The following RAB5A variants were observed in gnomAD, a reference collection of about 807,000 sequenced individuals.
The protein encoded by RAB5A is ras-related protein Rab-5A.
RAB5A carries 8 observed loss-of-function variants against 25.7 expected under a neutral mutation model. The ratio of observed to expected loss-of-function variants is 0.31; its 90% CI spans 0.18 to 0.56. The LOEUF (loss-of-function observed/expected upper bound fraction) is 0.56, where lower values mean the gene tolerates loss of function less well. Among genes scored for constraint, RAB5A ranks in the 20% least tolerant of loss-of-function variants. The pLI is 0.91. For missense variants in RAB5A, 192 were observed against 259.7 expected, an observed-to-expected ratio of 0.74 and a Z score of 1.79; for synonymous variants, 98 against 89.8, an observed-to-expected ratio of 1.09 and a Z score of -0.52.
At chr3:19,973,337 A>T (rs1390445361) in intron 2 of RAB5A, among the ~76,000 whole-genome samples, 2 of 151,716 alleles carry the variant, frequency 1.3e-5, no homozygotes, top group Admixed American at 1.3e-4. Context: ...CTTTGTGATC[A>T]TAGTATGTCT....
chr3:19,952,837 A>C (rs189456111), intron 2 of RAB5A, among the ~76,000 whole-genome samples: 15 of 152,178 alleles, frequency 9.9e-5, no homozygotes, highest in Admixed American at 9.2e-4. Flanking sequence ...TTAATAATGA[A>C]ATACTACTTC....
At chr3:19,983,588 A>T in intron 5 of RAB5A, 120 bp from the exon 6 acceptor site, 1 of 699,110 alleles carries the variant, frequency 1.4e-6, no homozygotes, top group South Asian at 1.7e-5. Context: ...AAGAATGAAC[A>T]TATGGTTATA....
At chr3:19,983,676 A>G (rs1291209997) in intron 5 of RAB5A, 32 bp from the exon 6 acceptor site, 3 of 1,424,870 alleles carry the variant, frequency 2.1e-6, no homozygotes, top group African/African-American at 2.9e-5. Context: ...TGAGTATTCA[A>G]ATATTCTATT....
At chr3:19,965,938 G>C (rs938229756) in intron 2 of RAB5A, among the ~76,000 whole-genome samples, 14 of 152,008 alleles carry the variant, frequency 9.2e-5, no homozygotes, top group African/African-American at 3.4e-4. Context: ...ATGTTGCCCG[G>C]GCTGGTCTCG....
intron 4 of RAB5A, among the ~76,000 whole-genome samples, chr3:19,977,219 C>T (rs1436945244): frequency 6.6e-6 from 1 of 152,034 alleles, no homozygotes; most frequent in Non-Finnish European, 1.5e-5. Flanking sequence ...ACTACAGGCG[C>T]CCACCACCAC....
chr3:19,980,247 A>G (rs891335595), intron 5 of RAB5A: 1 of 152,228 alleles, frequency 6.6e-6, no homozygotes, highest in Non-Finnish European at 1.5e-5. Context: ...TTCTCACAAT[A>G]TTTAAACTCT....
At chr3:19,954,563 A>G (rs1262570208) in intron 2 of RAB5A, among the ~76,000 whole-genome samples, 2 of 152,112 alleles carry the variant, frequency 1.3e-5, no homozygotes, top group Non-Finnish European at 2.9e-5. Flanking sequence ...TGCATCTGTA[A>G]TCCCAGCACT....
At chr3:19,976,981 A>G (rs1007660062) in intron 4 of RAB5A, among the ~76,000 whole-genome samples, 4 of 152,236 alleles carry the variant, frequency 2.6e-5, no homozygotes, top group Admixed American at 6.5e-5. Flanking sequence ...GAGAAAATCC[A>G]GTTTTGTATT....
intron 2 of RAB5A, among the ~76,000 whole-genome samples, chr3:19,969,033 T>G (rs13061397): frequency 0.23 from 29,026 of 127,328 alleles, 3,800 homozygotes; most frequent in African/African-American, 0.41. Context: ...TGGTTTTGGT[T>G]TTTTTTTTTT....
Position 19,971,376 on chromosome 3 carries a change from A to AT in RAB5A, c.164-4225_164-4224insT, listed in dbSNP as rs575022569. ...TTTTCATTTTTTAAAGTATATTATA[A>AT]AACTGATTTTCCCTGGCCTCTAATG... On this transcript the variant is annotated intron_variant, in intron 2 of 5. Coordinates refer to ENST00000273047, the MANE Select transcript of RAB5A (RefSeq NM_004162.5). 1.5e-4 allele frequency among the ~76,000 whole-genome samples: 22 copies of AT among 145,676 alleles called. No individual in the cohort carries two copies. In the South Asian group the frequency reaches 4.9e-3, roughly 33 times the overall value.
At chr3:19,970,871 T>C (rs1423107354) in intron 2 of RAB5A, among the ~76,000 whole-genome samples, 1 of 152,164 alleles carries the variant, frequency 6.6e-6, no homozygotes, top group Non-Finnish European at 1.5e-5. Context: ...TCAGTTACAC[T>C]TCACCGAGTT....
Position 19,954,237 on chromosome 3 carries a change from A to G in RAB5A, c.163+3176A>G, listed in dbSNP as rs148991128. 8.0e-4 allele frequency among the ~76,000 whole-genome samples: 122 copies of G among 151,942 alleles called. 3 individuals are homozygous for G. The East Asian group carries it at 0.024, about 29-fold the overall frequency. On this transcript the variant is annotated intron_variant, in intron 2 of 5. Coordinates refer to ENST00000273047, the MANE Select transcript of RAB5A (RefSeq NM_004162.5). ...GCCATCTTGGCCAGGCTGGTCTCAG[A>G]CTCCTGACCTCAAGTGATCCACCTG... is the stretch of plus-strand genomic sequence containing the variant.
At position 19,947,276 on chromosome 3, in the gene RAB5A, C is replaced by T; in HGVS notation, c.-339C>T. The T allele has an allele frequency of 5.0e-6, 1 of 200,278 alleles. No homozygotes were observed. The highest frequency in any genetic ancestry group is 9.7e-6 in the Non-Finnish European group (1 of 103,498). 12.4% of individuals were successfully genotyped at this position (200,278 alleles called of 1,614,324 possible). A position where few individuals can be genotyped will look rare whatever the true frequency, so the allele number is the denominator to read the frequency against. On this transcript the variant is annotated 5_prime_UTR_variant, in exon 1 of 6. Coordinates refer to ENST00000273047, the MANE Select transcript of RAB5A (RefSeq NM_004162.5). Reference sequence around the variant, plus strand: ...GTCGGAACTCCAGCGCCGGCGGCGGCGGCGGCGGCGGAGGAGGAGAAAGGA... The same window carrying T: ...GTCGGAACTCCAGCGCCGGCGGCGGTGGCGGCGGCGGAGGAGGAGAAAGGA...
At chr3:19,949,890 T>G (rs749923455) in intron 1 of RAB5A, among the ~76,000 whole-genome samples, 8 of 151,654 alleles carry the variant, frequency 5.3e-5, no homozygotes, top group Non-Finnish European at 8.8e-5. Flanking sequence ...ACCAAAAAAT[T>G]AGCCTGGCAT....
intron 2 of RAB5A, among the ~76,000 whole-genome samples, chr3:19,955,396 C>T (rs1292466909): frequency 6.6e-6 from 1 of 152,182 alleles, no homozygotes. Flanking sequence ...GCTGCATTAA[C>T]TAGGAACTTG....
At chr3:19,973,381 CTT>C (rs34334260) in intron 2 of RAB5A, among the ~76,000 whole-genome samples, 4 of 143,834 alleles carry the variant, frequency 2.8e-5, no homozygotes, top group Admixed American at 6.9e-5. Flanking sequence ...ATTTTAATTC[CTT>C]TTTTTTTTTT....
At chr3:19,972,309 A>G (rs994434993) in intron 2 of RAB5A, among the ~76,000 whole-genome samples, 1 of 152,244 alleles carries the variant, frequency 6.6e-6, no homozygotes, top group Non-Finnish European at 1.5e-5. Flanking sequence ...CCTGGTTCCA[A>G]GCATTTCAGA....
At chr3:19,972,089 G>A (rs573600902) in intron 2 of RAB5A, among the ~76,000 whole-genome samples, 32 of 151,906 alleles carry the variant, frequency 2.1e-4, no homozygotes, top group Non-Finnish European at 4.0e-4. Flanking sequence ...TCAATATGAT[G>A]TCACAAGTGA....
intron 5 of RAB5A, among the ~76,000 whole-genome samples, chr3:19,981,335 G>A (rs985973986): frequency 2.0e-5 from 3 of 152,084 alleles, no homozygotes; most frequent in Admixed American, 6.6e-5. Flanking sequence ...CAGGCTGGGC[G>A]CAGTGGCTCA....
Sources: allele counts gnomAD v4.1 joint callset (sites outside exome capture counted in the v4.1 genomes callset), GRCh38; gene constraint gnomAD v4.1.1; transcripts MANE v1.5; gene names NCBI Gene and HGNC (gene_info 2026-07-23, HGNC 2026-07-21).